The following STK3 variants were observed in gnomAD, a reference collection of about 807,000 sequenced individuals.
The protein encoded by STK3 is serine/threonine-protein kinase 3.
A neutral mutation model predicts 58.0 loss-of-function variants in STK3; 41 were observed. That is an observed-to-expected ratio of 0.71 (90% confidence interval 0.55 to 0.92). The LOEUF is 0.92. STK3 is among the 40% of genes least tolerant of loss of function. The pLI is 0.00. For missense variants in STK3, 479 were observed against 602.7 expected (o/e 0.79, Z 2.15); for synonymous variants, 170 against 191.0 (o/e 0.89, Z 0.91).
intron 1 of STK3, among the ~76,000 whole-genome samples, chr8:98,940,426 G>A (rs1840367281): frequency 1.3e-5 from 2 of 152,176 alleles, no homozygotes; most frequent in Non-Finnish European, 2.9e-5. Context: ...CCACGGCCAC[G>A]CAACTTGCCC....
chr8:98,853,010 A>G (rs952731622), intron 3 of STK3, among the ~76,000 whole-genome samples: 7 of 152,040 alleles, frequency 4.6e-5, no homozygotes, highest in African/African-American at 1.7e-4. Context: ...ATGAAAAAAA[A>G]TTTCTTCTTT....
Position 98,813,863 on chromosome 8 carries a change from C to T in STK3, c.26+11652G>A, listed in dbSNP as rs991813081. ...ATTTGAAAATGCTCTAACATATTCA[C>T]GTCCTATTAAAATAAATTTGAAAAT... On this transcript the variant is annotated intron_variant, in intron 1 of 10. Transcript: ENST00000419617. Among the ~76,000 whole-genome samples, 7 of 152,244 alleles carry T rather than the reference C, an allele frequency of 4.6e-5. No homozygotes were observed. The East Asian group carries it at 5.8e-4, about 13-fold the overall frequency.
intron 3 of STK3, among the ~76,000 whole-genome samples, chr8:98,857,088 A>T (rs1386148052): frequency 6.6e-6 from 1 of 152,216 alleles, no homozygotes; most frequent in East Asian, 1.9e-4. Flanking sequence ...CAGATAGCTA[A>T]AGAATAGGGG....
At chr8:98,449,674 T>C (rs1249873862), downstream of STK3, among the ~76,000 whole-genome samples, 1 of 152,318 alleles carries the variant, frequency 6.6e-6, no homozygotes, top group Admixed American at 6.5e-5. Context: ...AATGTTATGA[T>C]TTGGATGTGT....
At chr8:98,715,291 T>C (rs897170907) in intron 4 of STK3, among the ~76,000 whole-genome samples, 4 of 152,206 alleles carry the variant, frequency 2.6e-5, no homozygotes, top group African/African-American at 9.6e-5. Context: ...TGGGATCTAA[T>C]TAAACTAAAG....
intron 8 of STK3, among the ~76,000 whole-genome samples, chr8:98,570,248 G>A (rs1812853621): frequency 6.6e-6 from 1 of 151,100 alleles, no homozygotes; most frequent in Admixed American, 6.6e-5. Context: ...CCCACCTCAG[G>A]CTCCCAAATA....
chr8:98,486,394 A>C (rs779236542), intron 10 of STK3, among the ~76,000 whole-genome samples: 1 of 152,240 alleles, frequency 6.6e-6, no homozygotes, highest in Non-Finnish European at 1.5e-5. Flanking sequence ...TATTAGGAGT[A>C]AGATCCAACA....
chr8:98,757,230 G>GTCGCGCC (rs1830344528), intron 3 of STK3, among the ~76,000 whole-genome samples: 1 of 150,910 alleles, frequency 6.6e-6, no homozygotes, highest in African/African-American at 2.4e-5. Context: ...GCCCAGGCTA[G>GTCGCGCC]AGTGCATTGG....
intron 1 of STK3, among the ~76,000 whole-genome samples, chr8:98,912,120 T>C (rs1451185602): frequency 6.6e-6 from 1 of 152,200 alleles, no homozygotes; most frequent in Non-Finnish European, 1.5e-5. Context: ...GGCTCATACC[T>C]GTAATTCCAG....
At chr8:98,849,909 G>T (rs1257741721) in intron 3 of STK3, among the ~76,000 whole-genome samples, 1 of 152,104 alleles carries the variant, frequency 6.6e-6, no homozygotes, top group African/African-American at 2.4e-5. Flanking sequence ...ACTAGGTATG[G>T]CATGAGAGGT....
chr8:98,363,451 C>G, the STK3 span, among the ~76,000 whole-genome samples: 1 of 152,156 alleles, frequency 6.6e-6, no homozygotes, highest in African/African-American at 2.4e-5. Context: ...ACAGGCTCTG[C>G]CCTTACTGTG....
At chr8:98,651,163 G>A (rs932524991) in intron 6 of STK3, among the ~76,000 whole-genome samples, 1 of 152,200 alleles carries the variant, frequency 6.6e-6, no homozygotes, top group Non-Finnish European at 1.5e-5. Context: ...GGAACGATCA[G>A]ACAGCAGCAT....
chr8:98,456,022 C>T (rs1456929176), intron 10 of STK3, 22 bp from the exon 11 acceptor site: 1 of 1,581,994 alleles, frequency 6.3e-7, no homozygotes, highest in South Asian at 1.2e-5. Flanking sequence ...AAGAAAGATA[C>T]CAATACAATG....
chr8:98,728,198 T>A (rs1351857798), intron 4 of STK3, among the ~76,000 whole-genome samples: 2 of 152,074 alleles, frequency 1.3e-5, no homozygotes, highest in Non-Finnish European at 2.9e-5. Flanking sequence ...CCCTCACAAA[T>A]CTATTTCATT....
chr8:98,843,684 T>C, intron 3 of STK3, among the ~76,000 whole-genome samples: 1 of 152,198 alleles, frequency 6.6e-6, no homozygotes, highest in East Asian at 1.9e-4. Context: ...AGTTTACGCC[T>C]GAAACAACAA....
At chr8:98,909,641 G>T (rs1839056325) in intron 1 of STK3, among the ~76,000 whole-genome samples, 1 of 152,120 alleles carries the variant, frequency 6.6e-6, no homozygotes, top group Non-Finnish European at 1.5e-5. Flanking sequence ...CTTTCACTTG[G>T]CATGATATGT....
At chr8:98,774,714 A>G (rs1398206445) in intron 2 of STK3, 25 bp downstream of exon 2, 1 of 1,474,024 alleles carries the variant, frequency 6.8e-7, no homozygotes, top group Non-Finnish European at 9.2e-7. Context: ...AATTATTTAC[A>G]TGCTTTCATA....
At chr8:98,380,270 G>T (rs1817718710) in intron 1 of STK3, among the ~76,000 whole-genome samples, 2 of 152,000 alleles carry the variant, frequency 1.3e-5, no homozygotes, top group Admixed American at 1.3e-4. Context: ...TTATTACGGG[G>T]ATAGAAATCA....
rs117942800 is a variant in STK3, at chr8:98,727,589, C to G, written c.352-20278G>C. Among the ~76,000 whole-genome samples the G allele has an allele frequency of 1.1e-4, 17 of 152,286 alleles. No homozygotes were observed. The East Asian group carries it at 3.3e-3, about 29-fold the overall frequency. On this transcript the variant is annotated intron_variant, in intron 4 of 10. Transcript: ENST00000419617. ...GTTTGTGTAAAGCACAAACCACTGA[C>G]TAACTCCAGAAATGCTAGAGGTTAT...
Sources: allele counts gnomAD v4.1 joint callset (sites outside exome capture counted in the v4.1 genomes callset), GRCh38; gene constraint gnomAD v4.1.1; transcripts MANE v1.5; gene names NCBI Gene and HGNC (gene_info 2026-07-23, HGNC 2026-07-21).